ASIC2: variants seen among roughly 807,000 people sequenced by gnomAD.
ASIC2 encodes acid-sensing ion channel 2.
A neutral mutation model predicts 57.3 loss-of-function variants in ASIC2; 25 were observed. The ratio of observed to expected loss-of-function variants is 0.44; its 90% CI spans 0.32 to 0.61. The LOEUF is 0.61. Ranked by LOEUF, ASIC2 falls within the 20% of genes least tolerant of loss-of-function variation. ASIC2 has a pLI of 0.06. For synonymous variants in ASIC2, 319 were observed against 307.5 expected (o/e 1.04, Z -0.39); for missense variants, 641 against 738.1 (o/e 0.87, Z 1.52).
Position 33,703,848 on chromosome 17 carries a change from G to A in ASIC2, c.555+452130C>T, listed in dbSNP as rs1485602921. Among the ~76,000 whole-genome samples, 9 of 152,248 alleles carry A rather than the reference G, an allele frequency of 5.9e-5. No individual in the cohort carries two copies. The East Asian group carries it at 1.7e-3, about 29-fold the overall frequency. ...GCCCTCCTGTCCTCCCCCTTAGCTA[G>A]GTGGGCCAGGCCAGAGCTCCTAAGC... is the stretch of plus-strand genomic sequence containing the variant. On this transcript the variant is annotated intron_variant, in intron 1 of 9. Coordinates refer to the ASIC2 transcript ENST00000359872.
intron 1 of ASIC2, among the ~76,000 whole-genome samples, chr17:33,964,702 C>T (rs945901860): frequency 1.3e-5 from 2 of 152,200 alleles, no homozygotes; most frequent in South Asian, 4.1e-4. Context: ...CCACATATCC[C>T]TCAGATTGTT....
chr17:33,371,566 G>A (rs1323211192), intron 1 of ASIC2, among the ~76,000 whole-genome samples: 1 of 152,212 alleles, frequency 6.6e-6, no homozygotes, highest in Non-Finnish European at 1.5e-5. Context: ...TGACTCATCT[G>A]TGTGACGTAG....
intron 1 of ASIC2, among the ~76,000 whole-genome samples, chr17:34,090,608 G>T (rs183704442): frequency 1.6e-4 from 24 of 152,254 alleles, no homozygotes; most frequent in Non-Finnish European, 2.5e-4. Flanking sequence ...ATTAGCATTT[G>T]GTTTCTTCAT....
chr17:34,075,580 C>T (rs1272233519), intron 1 of ASIC2, among the ~76,000 whole-genome samples: 1 of 152,150 alleles, frequency 6.6e-6, no homozygotes, highest in Non-Finnish European at 1.5e-5. Flanking sequence ...ATTAGCCTTT[C>T]CTGACTCCCT....
chr17:33,743,999 G>T (rs1057377484), intron 1 of ASIC2, among the ~76,000 whole-genome samples: 1 of 152,156 alleles, frequency 6.6e-6, no homozygotes, highest in Non-Finnish European at 1.5e-5. Flanking sequence ...TCTGCCCAGT[G>T]CCCAGAGTAA....
chr17:34,072,023 TG>T (rs1909427645), intron 1 of ASIC2: 1 of 152,250 alleles, frequency 6.6e-6, no homozygotes, highest in Non-Finnish European at 1.5e-5. Context: ...GGGCAGGCAC[TG>T]GCCACGTAGG....
At chr17:33,412,712 A>G (rs1910707482) in intron 1 of ASIC2, among the ~76,000 whole-genome samples, 1 of 152,162 alleles carries the variant, frequency 6.6e-6, no homozygotes, top group Non-Finnish European at 1.5e-5. Flanking sequence ...GGCTGCCTGG[A>G]TCATCTTTCC....
intron 1 of ASIC2, among the ~76,000 whole-genome samples, chr17:33,136,330 T>C (rs2142012493): frequency 6.6e-6 from 1 of 152,306 alleles, no homozygotes; most frequent in Admixed American, 6.5e-5. Flanking sequence ...GGTTATACGG[T>C]CCAGAGGTCT....
At chr17:33,779,230 T>A (rs924082305) in intron 1 of ASIC2, among the ~76,000 whole-genome samples, 1 of 152,136 alleles carries the variant, frequency 6.6e-6, no homozygotes. Context: ...AGAATTCTGT[T>A]AAGTTCTGTT....
rs547301152 is a variant in ASIC2 at position 33,964,668 on chromosome 17, C to G, written c.555+191310G>C. 1.3e-3 allele frequency among the ~76,000 whole-genome samples: 200 copies of G among 152,338 alleles called. 1 individual carries two copies. The highest frequency in any genetic ancestry group is 4.7e-3 in the African/African-American group (194 of 41,562). On this transcript the variant is annotated intron_variant, in intron 1 of 9. Transcript: ENST00000359872. ...TGACAGTATCTCCCAACCACCACCC[C>G]CTCTGCTGCTACACCCCATCTGGCC... is the stretch of plus-strand genomic sequence containing the variant.
chr17:33,251,012 C>T (rs1367281651), intron 1 of ASIC2, among the ~76,000 whole-genome samples: 1 of 152,164 alleles, frequency 6.6e-6, no homozygotes, highest in Non-Finnish European at 1.5e-5. Context: ...ATGTTTTATG[C>T]CTACTTGTTA....
At chr17:33,281,459 G>T (rs1904944438) in intron 1 of ASIC2, among the ~76,000 whole-genome samples, 1 of 152,218 alleles carries the variant, frequency 6.6e-6, no homozygotes, top group South Asian at 2.1e-4. Context: ...AGCAGGAACA[G>T]TTTCTGTATT....
Position 33,016,007 on chromosome 17 carries a change from G to C in ASIC2, c.1554C>G (p.Gly518=). The C allele has an allele frequency of 6.2e-7, 1 of 1,614,044 alleles. No homozygotes were observed. Among genetic ancestry groups the C allele is most frequent in the Non-Finnish European group, 8.5e-7 (1 of 1,179,976 alleles). Residue 518 remains glycine (G), a synonymous_variant, in exon 9 of 10, where the codon GGC becomes GGG. Coordinates refer to ENST00000225823, the MANE Select transcript of ASIC2 (RefSeq NM_183377.2). ...CGTGGCTCCCTTCGTCCTCCTCTTT[G>C]CCAAGCAGGTCTAATAGCTTCTCTT... The part of the protein sequence containing the change: ...LIKEKLLDLL[G]KEEDEGSHDE...
intron 1 of ASIC2, among the ~76,000 whole-genome samples, chr17:33,912,262 G>A (rs943911647): frequency 6.6e-6 from 1 of 151,796 alleles, no homozygotes; most frequent in Non-Finnish European, 1.5e-5. Flanking sequence ...GTAGGCTGAG[G>A]CATGTGGATC....
chr17:33,079,764 C>T (rs1310379253), intron 3 of ASIC2, among the ~76,000 whole-genome samples: 1 of 152,070 alleles, frequency 6.6e-6, no homozygotes, highest in African/African-American at 2.4e-5. Flanking sequence ...GCCAACTGTT[C>T]TATGGGTATT....
At chr17:33,207,110 T>G (rs1250819971) in intron 1 of ASIC2, among the ~76,000 whole-genome samples, 1 of 152,212 alleles carries the variant, frequency 6.6e-6, no homozygotes, top group African/African-American at 2.4e-5. Context: ...ATTAACTATA[T>G]GCCAGGCACC....
intron 1 of ASIC2, among the ~76,000 whole-genome samples, chr17:33,595,151 T>G (rs1022064191): frequency 2.0e-5 from 3 of 152,086 alleles, no homozygotes; most frequent in Non-Finnish European, 4.4e-5. Context: ...GCTAGAGCCC[T>G]GTAAGTTGAA....
chr17:34,038,613 T>C (rs914979463), intron 1 of ASIC2: 1 of 1,598,654 alleles, frequency 6.3e-7, no homozygotes, highest in Non-Finnish European at 8.6e-7. Flanking sequence ...TTATGTATCC[T>C]TTTTACTTCC....
At chr17:33,899,106 C>A (rs1347672060) in intron 1 of ASIC2, among the ~76,000 whole-genome samples, 2 of 146,190 alleles carry the variant, frequency 1.4e-5, no homozygotes, top group African/African-American at 5.1e-5. Flanking sequence ...CCAGCCTGGG[C>A]GACAGAGCGA....
Sources: allele counts gnomAD v4.1 joint callset (sites outside exome capture counted in the v4.1 genomes callset), GRCh38; gene constraint gnomAD v4.1.1; transcripts MANE v1.5; gene names NCBI Gene and HGNC (gene_info 2026-07-23, HGNC 2026-07-21).